The following NSL1 variants were observed in gnomAD, a reference collection of about 807,000 sequenced individuals.
NSL1 encodes kinetochore-associated protein NSL1 homolog.
In NSL1, 11 loss-of-function variants were observed where a neutral mutation model predicts 25.4. The ratio of observed to expected loss-of-function variants is 0.43; its 90% CI spans 0.27 to 0.72. NSL1 has a LOEUF of 0.72. Among genes scored for constraint, NSL1 ranks in the 30% least tolerant of loss-of-function variants. The pLI, the probability that NSL1 is intolerant of heterozygous loss-of-function variation, is 0.19. For missense variants in NSL1, 330 were observed against 342.7 expected (o/e 0.96, Z 0.29); for synonymous variants, 118 against 120.6 (o/e 0.98, Z 0.14).
At chr1:212,746,022 A>G (rs1658775386) in intron 4 of NSL1, among the ~76,000 whole-genome samples, 1 of 152,202 alleles carries the variant, frequency 6.6e-6, no homozygotes, top group Non-Finnish European at 1.5e-5. Flanking sequence ...AATAATTAGT[A>G]AACCTGGACT....
chr1:212,736,314 C>A lies in NSL1; in HGVS notation c.*2094G>T, dbSNP rs898727015. On this transcript the variant is annotated 3_prime_UTR_variant, in exon 6 of 6. Coordinates refer to ENST00000366977, the MANE Select transcript of NSL1 (RefSeq NM_015471.4). ...GCTGGGATTACAGGCATGAGCCCAC[C>A]GCGCCTGGCTATTTCTTTTCTGAAA... is the stretch of plus-strand genomic sequence containing the variant. 1 of 983,076 alleles carries A rather than the reference C, an allele frequency of 1.0e-6. No individual in the cohort carries two copies. The highest frequency in any genetic ancestry group is 1.7e-5 in the African/African-American group (1 of 57,184). The allele number at this position is 983,076 out of a possible 1,614,324, so 60.9% of individuals were successfully genotyped here.
At chr1:212,784,226 C>A in intron 3 of NSL1, 137 bp downstream of exon 3, 1 of 539,338 alleles carries the variant, frequency 1.9e-6, no homozygotes. Flanking sequence ...TAAAGTCTTA[C>A]AAGAGACAAA....
rs561040916 is a variant in NSL1, at chr1:212,783,805, C to T, written c.444+558G>A. On this transcript the variant is annotated intron_variant, in intron 3 of 5. Transcript: ENST00000366977. ...ATAGTAATTATAAGAAGGAAGTCTA[C>T]GGCTCTGCTTGTCTAAAAAGCTCGT... Among the ~76,000 whole-genome samples the T allele has an allele frequency of 3.9e-5, 6 of 152,256 alleles. No individual in the cohort carries two copies. In the South Asian group the frequency reaches 1.0e-3, roughly 26 times the overall value.
chr1:212,768,051 G>A (rs942451100), intron 4 of NSL1, among the ~76,000 whole-genome samples: 12 of 152,092 alleles, frequency 7.9e-5, no homozygotes, highest in Middle Eastern at 3.4e-3. Flanking sequence ...CGGGCACGGC[G>A]GCTCACACCT....
At chr1:212,767,614 A>G (rs1185258686) in intron 4 of NSL1, among the ~76,000 whole-genome samples, 2 of 152,238 alleles carry the variant, frequency 1.3e-5, no homozygotes, top group Non-Finnish European at 2.9e-5. Flanking sequence ...AAAAGAAATA[A>G]TCAGCAGAGT....
Position 212,738,517 on chromosome 1 carries a change from G to C in NSL1, c.737C>G (p.Thr246Ser), listed in dbSNP as rs766236260. The change falls in exon 6 of 6, where the codon ACT (threonine) becomes AGT (serine). Residue 246 changes from threonine to serine, a missense_variant. Transcript: ENST00000366977. Reference protein sequence around the residue: ...ITQIETTPTETASRKTSDMVL... With the variant: ...ITQIETTPTESASRKTSDMVL... ...CATGTCAGAGGTTTTCCTGGAAGCA[G>C]TCTCTGTTGGTGTGGTTTCTATCTG... 1 of 1,614,142 alleles carries C rather than the reference G, an allele frequency of 6.2e-7. No homozygotes were observed. Among genetic ancestry groups the C allele is most frequent in the Non-Finnish European group, 8.5e-7 (1 of 1,180,018 alleles).
chr1:212,739,423 G>T, intron 5 of NSL1, 111 bp downstream of exon 5: 2 of 889,910 alleles, frequency 2.2e-6, no homozygotes, highest in East Asian at 2.7e-5. Context: ...TTATTTAAAG[G>T]ACCGCTGAGA....
Position 212,727,661 on chromosome 1 carries a change from C to T in NSL1, c.*10747G>A. 1.0e-6 allele frequency: 1 copy of T among 985,272 alleles called. No individual in the cohort carries two copies. The allele number at this position is 985,272 out of a possible 1,614,324, so 61.0% of individuals were successfully genotyped here. ...TTCAGAATTTACTATAATTATAATCCTGAACAATCAGGACTGTTAGCTTCC... is the reference window on the plus strand; with the variant it reads ...TTCAGAATTTACTATAATTATAATCTTGAACAATCAGGACTGTTAGCTTCC... On this transcript the variant is annotated 3_prime_UTR_variant, in exon 6 of 6. Transcript: ENST00000366977.
At chr1:212,741,542 C>G (rs943323106) in intron 4 of NSL1, among the ~76,000 whole-genome samples, 1 of 152,156 alleles carries the variant, frequency 6.6e-6, no homozygotes, top group Non-Finnish European at 1.5e-5. Context: ...ACCCCCAAAA[C>G]AGCTTCTTCC....
rs1658137445 is a variant in NSL1 at position 212,734,085 on chromosome 1, A to G, written c.*4323T>C. ...TTTTAATTTTCAAAAACTTTTTCTT[A>G]TTTACTGAACATTATTTAATAGCAT... On this transcript the variant is annotated 3_prime_UTR_variant, in exon 6 of 6. Transcript: ENST00000366977. 6.6e-6 allele frequency among the ~76,000 whole-genome samples: 1 copy of G among 152,000 alleles called. No homozygotes were observed. The highest frequency in any genetic ancestry group is 1.5e-5 in the Non-Finnish European group (1 of 67,996).
intron 4 of NSL1, among the ~76,000 whole-genome samples, chr1:212,773,664 T>C (rs1458514617): frequency 6.6e-6 from 1 of 152,118 alleles, no homozygotes; most frequent in Admixed American, 6.5e-5. Flanking sequence ...AATTACCATA[T>C]GCTCCACCAT....
chr1:212,760,626 T>G lies in NSL1; in HGVS notation c.500-21025A>C, dbSNP rs1364386423. ...CAGCCCAGTCCATTGCCACCACCACTGCCGCCTGTGCTTGCTGCCTGGGGG... is the reference window on the plus strand; with the variant it reads ...CAGCCCAGTCCATTGCCACCACCACGGCCGCCTGTGCTTGCTGCCTGGGGG... On this transcript the variant is annotated intron_variant, in intron 4 of 5. Coordinates refer to ENST00000366977, the MANE Select transcript of NSL1 (RefSeq NM_015471.4). The surrounding 1 kb of genome is among the most constrained non-coding windows in gnomAD (Gnocchi z 4.3). Among the ~76,000 whole-genome samples, 1 of 151,982 alleles carries G rather than the reference T, an allele frequency of 6.6e-6. No homozygotes were observed. The highest frequency in any genetic ancestry group is 2.4e-5 in the African/African-American group (1 of 41,370).
chr1:212,739,765 T>C (rs932216753), intron 4 of NSL1, among the ~76,000 whole-genome samples, 164 bp from the exon 5 acceptor site: 4 of 152,190 alleles, frequency 2.6e-5, no homozygotes, highest in Admixed American at 1.3e-4. Flanking sequence ...ATTATAATAA[T>C]AGAGTAAAAC....
chr1:212,752,856 C>CTTCCAAA (rs1659129513), intron 4 of NSL1, among the ~76,000 whole-genome samples: 1 of 149,762 alleles, frequency 6.7e-6, no homozygotes, highest in African/African-American at 2.5e-5. Flanking sequence ...GAAACATGAA[C>CTTCCAAA]TTCCAAAAGC....
chr1:212,756,675 C>G (rs1023302761), intron 4 of NSL1, among the ~76,000 whole-genome samples: 2 of 152,040 alleles, frequency 1.3e-5, no homozygotes, highest in African/African-American at 2.4e-5. Context: ...CAAAAGTTAG[C>G]CAGGTGTGAT....
Position 212,784,506 on chromosome 1 carries a change from A to G in NSL1, c.314-13T>C. 6.7e-7 allele frequency: 1 copy of G among 1,484,138 alleles called. No individual in the cohort carries two copies. Among genetic ancestry groups the G allele is most frequent in the African/African-American group, 1.4e-5 (1 of 71,672 alleles). 91.9% of individuals were successfully genotyped at this position (1,484,138 alleles called of 1,614,324 possible). A position where few individuals can be genotyped will look rare whatever the true frequency, so the allele number is the denominator to read the frequency against. On this transcript the variant is annotated splice_polypyrimidine_tract_variant and intron_variant, in intron 2 of 5. Coordinates refer to ENST00000366977, the MANE Select transcript of NSL1 (RefSeq NM_015471.4). The stretch of plus-strand genomic sequence containing the variant: ...TTGATGTCAGAATCTATTTGAGAAA[A>G]AAAAATGTATATATAAAAAGTTCCC...
chr1:212,755,604 C>A (rs888727993), intron 4 of NSL1, among the ~76,000 whole-genome samples: 1 of 145,720 alleles, frequency 6.9e-6, no homozygotes, highest in Admixed American at 6.8e-5. Context: ...TAAAAAAACC[C>A]CTGTGTCTAC....
chr1:212,762,913 G>A (rs1308842248), intron 4 of NSL1, among the ~76,000 whole-genome samples: 1 of 152,228 alleles, frequency 6.6e-6, no homozygotes, highest in Admixed American at 6.5e-5. Context: ...GAAGCTCCCA[G>A]ATGAATTTTG....
intron 4 of NSL1, among the ~76,000 whole-genome samples, chr1:212,773,593 A>C (rs1313679107): frequency 6.6e-6 from 1 of 152,208 alleles, no homozygotes; most frequent in Non-Finnish European, 1.5e-5. Flanking sequence ...GTCAGAATGT[A>C]AATTAGTATA....
Sources: gnomAD v4.1 joint callset for allele counts (sites outside exome capture counted in the v4.1 genomes callset) on GRCh38, gnomAD v4.1.1 for gene constraint, Gnocchi (gnomAD v3.1) non-coding constraint, MANE v1.5 for transcripts, NCBI Gene and HGNC (gene_info 2026-07-23, HGNC 2026-07-21) for gene names.